EPCIP: variants seen among roughly 807,000 people sequenced by gnomAD.
The protein encoded by EPCIP is exosomal polycystin-1-interacting protein.
the EPCIP span, among the ~76,000 whole-genome samples, chr21:32,811,127 G>GT: frequency 6.6e-6 from 1 of 151,000 alleles, no homozygotes; most frequent in Middle Eastern, 3.2e-3. Context: ...AGATATTATG[G>GT]CCCCCCCTCC....
chr21:32,809,563 C>T, the EPCIP span, among the ~76,000 whole-genome samples: 1 of 151,780 alleles, frequency 6.6e-6, no homozygotes, highest in African/African-American at 2.4e-5. Flanking sequence ...GAGACACAGA[C>T]TCACTGTAGT....
the EPCIP span, among the ~76,000 whole-genome samples, chr21:32,808,488 A>T: frequency 6.6e-6 from 1 of 152,220 alleles, no homozygotes; most frequent in Non-Finnish European, 1.5e-5. Flanking sequence ...AGTTCCGACC[A>T]TTCGATTTTG....
chr21:32,809,756 C>T, the EPCIP span, among the ~76,000 whole-genome samples: 1 of 152,094 alleles, frequency 6.6e-6, no homozygotes, highest in Non-Finnish European at 1.5e-5. Flanking sequence ...GTTTCTTGTC[C>T]ACTAAGAAAC....
At chr21:32,794,940 C>G in the EPCIP span, among the ~76,000 whole-genome samples, 1 of 152,198 alleles carries the variant, frequency 6.6e-6, no homozygotes, top group Non-Finnish European at 1.5e-5. Flanking sequence ...TCCTGGAATT[C>G]GGGAGACAAA....
the EPCIP span, among the ~76,000 whole-genome samples, chr21:32,808,025 TC>T: frequency 6.6e-6 from 1 of 152,184 alleles, no homozygotes; most frequent in Non-Finnish European, 1.5e-5. Flanking sequence ...CCACACACCT[TC>T]CGAGGGGCGA....
At chr21:32,792,569 T>C in the EPCIP span, among the ~76,000 whole-genome samples, 2 of 151,914 alleles carry the variant, frequency 1.3e-5, no homozygotes, top group Non-Finnish European at 2.9e-5. Flanking sequence ...AGAAGAGAAA[T>C]TGGTGAAATG....
the EPCIP span, among the ~76,000 whole-genome samples, chr21:32,793,203 C>T: frequency 1.3e-4 from 20 of 152,152 alleles, no homozygotes; most frequent in East Asian, 2.9e-3. Flanking sequence ...GTGATCCGCC[C>T]GCCTCGGCCT....
the EPCIP span, chr21:32,793,592 G>C: frequency 1.7e-5 from 12 of 710,846 alleles, no homozygotes; most frequent in African/African-American, 2.1e-4. Context: ...TGGGCACAGA[G>C]CAGAACAGAG....
chr21:32,791,771 A>G, the EPCIP span, among the ~76,000 whole-genome samples: 6 of 152,106 alleles, frequency 3.9e-5, no homozygotes, highest in Non-Finnish European at 8.8e-5. Context: ...ATCTAAAGTC[A>G]TCAACCCCAG....
the EPCIP span, chr21:32,794,001 G>C: frequency 9.3e-6 from 15 of 1,614,116 alleles, no homozygotes; most frequent in Non-Finnish European, 1.1e-5. Flanking sequence ...CTATGGATGA[G>C]TAAGCTCTGC....
chr21:32,802,753 G>T, the EPCIP span, among the ~76,000 whole-genome samples: 1 of 152,158 alleles, frequency 6.6e-6, no homozygotes, highest in Non-Finnish European at 1.5e-5. Flanking sequence ...CCTCCAGGAG[G>T]GAACCAGTGG....
the EPCIP span, among the ~76,000 whole-genome samples, chr21:32,808,658 C>T: frequency 6.6e-6 from 1 of 151,766 alleles, no homozygotes; most frequent in African/African-American, 2.4e-5. Context: ...GGATGAGATC[C>T]TGGGACAAAA....
At chr21:32,809,319 T>TCTTTCTTTCTTTCTTC in the EPCIP span, among the ~76,000 whole-genome samples, 1 of 145,922 alleles carries the variant, frequency 6.9e-6, no homozygotes, top group African/African-American at 2.6e-5. Flanking sequence ...TTTCTTTCTT[T>TCTTTCTTTCTTTCTTC]CTTTCTTTCT....
chr21:32,809,178 G>GGGGCGT, the EPCIP span, among the ~76,000 whole-genome samples: 1 of 69,806 alleles, frequency 1.4e-5, no homozygotes, highest in Admixed American at 1.6e-4. Context: ...AGCCTCGAGG[G>GGGGCGT]GTGCGTGTGT....
the EPCIP span, among the ~76,000 whole-genome samples, chr21:32,802,671 A>G: frequency 2.0e-5 from 3 of 152,204 alleles, no homozygotes; most frequent in African/African-American, 7.2e-5. Flanking sequence ...CCAAGAATGT[A>G]GGATTGAGAA....
chr21:32,811,313 G>A, the EPCIP span, among the ~76,000 whole-genome samples: 1 of 152,090 alleles, frequency 6.6e-6, no homozygotes, highest in Non-Finnish European at 1.5e-5. Flanking sequence ...TGTATTTTTA[G>A]TACAGACTGG....
the EPCIP span, among the ~76,000 whole-genome samples, chr21:32,803,513 G>C: frequency 6.6e-6 from 1 of 152,196 alleles, no homozygotes; most frequent in East Asian, 1.9e-4. Flanking sequence ...CACAGGCAGT[G>C]TGAGGGCTTT....
At chr21:32,810,546 C>CCA in the EPCIP span, 1 of 467,820 alleles carries the variant, frequency 2.1e-6, no homozygotes, top group South Asian at 1.5e-5. Flanking sequence ...CAGGCGTGAA[C>CCA]CACCATGCCC....
chr21:32,807,491 C>G, the EPCIP span, among the ~76,000 whole-genome samples: 2 of 152,086 alleles, frequency 1.3e-5, no homozygotes, highest in Non-Finnish European at 2.9e-5. Context: ...TGCCACCACA[C>G]CCGGCTAATT....
Sources: gnomAD v4.1 joint callset for allele counts (sites outside exome capture counted in the v4.1 genomes callset) on GRCh38, gnomAD v4.1.1 for gene constraint, MANE v1.5 for transcripts, NCBI Gene and HGNC (gene_info 2026-07-23, HGNC 2026-07-21) for gene names.